The following ARHGAP27 variants were observed in gnomAD, a reference collection of about 807,000 sequenced individuals.
ARHGAP27 encodes Rho GTPase activating protein 27, also known as rho GTPase-activating protein 27.
ARHGAP27 carries 53 observed loss-of-function variants against 102.0 expected under a neutral mutation model. The observed-to-expected ratio is 0.52, with a 90% CI of 0.42 to 0.65. The LOEUF is 0.65. ARHGAP27 is among the 30% of genes least tolerant of loss of function. The pLI is 0.00. For missense variants in ARHGAP27, 1,117 were observed against 1,256.2 expected (o/e 0.89, Z 1.68); for synonymous variants, 525 against 542.8 (o/e 0.97, Z 0.46).
At chr17:45,405,466 G>T (rs1299635702) in intron 5 of ARHGAP27, among the ~76,000 whole-genome samples, 3 of 148,216 alleles carry the variant, frequency 2.0e-5, no homozygotes, top group Non-Finnish European at 4.5e-5. Context: ...GGTCAAAGGC[G>T]CTCAGAGGTA....
chr17:45,421,716 G>A (rs1029342830), intron 4 of ARHGAP27, among the ~76,000 whole-genome samples: 7 of 152,010 alleles, frequency 4.6e-5, no homozygotes, highest in African/African-American at 1.7e-4. Flanking sequence ...AAAGGAAATC[G>A]ATAACCAGAT....
At position 45,432,744 on chromosome 17, in the gene ARHGAP27, C is replaced by A. The variant is rs1432689605; in HGVS notation, c.-285+8G>T. The A allele has an allele frequency of 2.6e-5, 4 of 151,532 alleles. No individual in the cohort carries two copies. Among genetic ancestry groups the A allele is most frequent in the African/African-American group, 7.3e-5 (3 of 41,252 alleles). The allele number at this position is 151,532 out of a possible 1,614,324, so 9.4% of individuals were successfully genotyped here. A position where few individuals can be genotyped will look rare whatever the true frequency, so the allele number is the denominator to read the frequency against. ...GCGCCCCACTCCCGACCCTGCCTGCCCGGGCACCTCGGGGCGTCCGCTCGC... is the reference window on the plus strand; with the variant it reads ...GCGCCCCACTCCCGACCCTGCCTGCACGGGCACCTCGGGGCGTCCGCTCGC... On this transcript the variant is annotated splice_region_variant and intron_variant, in intron 1 of 19. Coordinates refer to ENST00000685559, the MANE Select transcript of ARHGAP27 (RefSeq NM_001282290.2).
intron 4 of ARHGAP27, among the ~76,000 whole-genome samples, chr17:45,421,381 C>T (rs116714686): frequency 1.3e-5 from 2 of 151,050 alleles, no homozygotes; most frequent in African/African-American, 4.9e-5. Context: ...TCTCAGGAGA[C>T]TGAGGTGGGA....
chr17:45,422,121 G>A (rs1383365485), intron 4 of ARHGAP27, among the ~76,000 whole-genome samples: 1 of 151,870 alleles, frequency 6.6e-6, no homozygotes, highest in Admixed American at 6.6e-5. Flanking sequence ...AGCCAAGATC[G>A]CACCACTGCA....
rs892032300 is a variant in ARHGAP27, at chr17:45,432,231, A to C, written c.-166T>G. 3 of 157,256 alleles carry C rather than the reference A, an allele frequency of 1.9e-5. No individual in the cohort carries two copies. The highest frequency in any genetic ancestry group is 7.2e-5 in the African/African-American group (3 of 41,434). 9.7% of individuals were successfully genotyped at this position (157,256 alleles called of 1,614,324 possible). A position where few individuals can be genotyped will look rare whatever the true frequency, so the allele number is the denominator to read the frequency against. ...CTTCCCTCACCAGGGCCTTTCCCGG[A>C]GCAGCCCGGCCGGGCCTGGAAAAAC... On this transcript the variant is annotated 5_prime_UTR_variant, in exon 2 of 20. Transcript: ENST00000685559.
chr17:45,419,220 G>C (rs1308047436), intron 4 of ARHGAP27, among the ~76,000 whole-genome samples: 1 of 152,000 alleles, frequency 6.6e-6, no homozygotes, highest in African/African-American at 2.4e-5. Flanking sequence ...CCCATCCAGA[G>C]ATAAACATAA....
chr17:45,431,570 G>T (rs2050058987), intron 3 of ARHGAP27, 51 bp downstream of exon 3: 4 of 180,310 alleles, frequency 2.2e-5, no homozygotes. Flanking sequence ...CAAACCCCAA[G>T]CAGGACACTC....
At chr17:45,398,644 G>A (rs1183523617) in intron 12 of ARHGAP27, among the ~76,000 whole-genome samples, 1 of 151,608 alleles carries the variant, frequency 6.6e-6, no homozygotes, top group African/African-American at 2.4e-5. Context: ...TGAGGCAGAA[G>A]AACTGCTTGA....
intron 4 of ARHGAP27, among the ~76,000 whole-genome samples, chr17:45,412,548 C>T (rs556095321): frequency 4.9e-4 from 75 of 152,330 alleles, no homozygotes; most frequent in African/African-American, 1.7e-3. Flanking sequence ...CAGGGGCTGG[C>T]GAGGGGACAT....
In ARHGAP27 at chr17:45,414,317, G is replaced by A. The variant is rs573072755; in HGVS notation, c.658-8234C>T. Among the ~76,000 whole-genome samples the A allele has an allele frequency of 5.4e-4, 82 of 152,176 alleles. 2 individuals are homozygous for A. Among genetic ancestry groups the A allele is most frequent in the African/African-American group, 1.9e-3 (78 of 41,518 alleles). Reference sequence around the variant, plus strand: ...CCGTCCAAGCCAACCTCCTCAGCCCGGTCCTGAAGGACCCCATAGCCTCCC... The same window carrying A: ...CCGTCCAAGCCAACCTCCTCAGCCCAGTCCTGAAGGACCCCATAGCCTCCC... On this transcript the variant is annotated intron_variant, in intron 4 of 19. Transcript: ENST00000685559.
chr17:45,431,836 G>A (rs1287546591), intron 2 of ARHGAP27, 84 bp from the exon 3 acceptor site: 3 of 173,854 alleles, frequency 1.7e-5, no homozygotes, highest in African/African-American at 7.2e-5. Context: ...GTGGGGCGAG[G>A]AGGAGCCTGA....
At chr17:45,424,922 C>T (rs532917673) in intron 4 of ARHGAP27, among the ~76,000 whole-genome samples, 4 of 151,442 alleles carry the variant, frequency 2.6e-5, no homozygotes, top group East Asian at 2.0e-4. Flanking sequence ...GGCCCCTGGG[C>T]GCTGAAGGGA....
rs1478731834 is a variant in ARHGAP27 at position 45,404,073 on chromosome 17, C to T, written c.1503G>A (p.Gly501=). 3 of 1,614,026 alleles carry T rather than the reference C, an allele frequency of 1.9e-6. No homozygotes were observed. The highest frequency in any genetic ancestry group is 2.5e-6 in the Non-Finnish European group (3 of 1,180,038). The change falls in exon 10 of 20, where the codon GGG becomes GGA. Residue 501 remains glycine (G), a synonymous_variant. Transcript: ENST00000685559. ...CTGCCGTCTTGGTGCGATGGAGCAC[C>T]CCTGCCTTGTCCAAGGTCTTGGTCT... ...AVRTKTLDKA[G]VLHRTKTADK...
At chr17:45,410,028 G>C in intron 4 of ARHGAP27, 1 of 629,200 alleles carries the variant, frequency 1.6e-6, no homozygotes, top group Non-Finnish European at 2.7e-6. Flanking sequence ...TCCCTCCCCT[G>C]TCCACAAGCA....
chr17:45,425,986 G>A (rs1196036892), intron 4 of ARHGAP27, among the ~76,000 whole-genome samples: 1 of 152,158 alleles, frequency 6.6e-6, no homozygotes, highest in Non-Finnish European at 1.5e-5. Flanking sequence ...AACAGGAGAT[G>A]TCCCTCCTGG....
chr17:45,425,576 G>A, intron 4 of ARHGAP27: 1 of 985,606 alleles, frequency 1.0e-6, no homozygotes, highest in Non-Finnish European at 1.2e-6. Context: ...AGTTCCCAGT[G>A]GAGGAGAAGG....
intron 16 of ARHGAP27, 73 bp from the exon 17 acceptor site, chr17:45,396,357 C>T: frequency 1.3e-6 from 2 of 1,497,294 alleles, no homozygotes; most frequent in African/African-American, 1.4e-5. Flanking sequence ...CCTGCTATGA[C>T]TCCCACTCGG....
chr17:45,424,104 C>T (rs1036479322), intron 4 of ARHGAP27, among the ~76,000 whole-genome samples: 3 of 152,158 alleles, frequency 2.0e-5, no homozygotes, highest in African/African-American at 7.2e-5. Context: ...CCCCTGCCCC[C>T]CTCCTTTCAT....
intron 4 of ARHGAP27, among the ~76,000 whole-genome samples, chr17:45,414,500 C>T (rs1305816563): frequency 2.6e-5 from 4 of 151,356 alleles, no homozygotes; most frequent in East Asian, 3.9e-4. Flanking sequence ...GGCAGTGGCA[C>T]GATCATGGTT....
Sources: gnomAD v4.1 joint callset for allele counts (sites outside exome capture counted in the v4.1 genomes callset) on GRCh38, gnomAD v4.1.1 for gene constraint, MANE v1.5 for transcripts, NCBI Gene and HGNC (gene_info 2026-07-23, HGNC 2026-07-21) for gene names.